Variants in KCNMA1 observed in about 807,000 individuals in gnomAD.
KCNMA1 encodes the protein Calcium-activated potassium channel subunit alpha-1.
A neutral mutation model predicts 140.0 loss-of-function variants in KCNMA1; 29 were observed. The observed-to-expected ratio is 0.21, with a 90% confidence interval of 0.15 to 0.28. KCNMA1 has a LOEUF of 0.28. KCNMA1 is among the 10% of genes least tolerant of loss of function. The pLI is 1.00. For synonymous variants in KCNMA1, 612 were observed against 611.9 expected, an observed-to-expected ratio of 1.00 and a Z score of 0.00; for missense variants, 880 against 1,602.2, an observed-to-expected ratio of 0.55 and a Z score of 7.70.
intron 23 of KCNMA1, among the ~76,000 whole-genome samples, chr10:76,931,828 G>T (rs1459559494): frequency 1.3e-5 from 2 of 152,050 alleles, no homozygotes; most frequent in African/African-American, 4.8e-5. Flanking sequence ...ACCTTACCTG[G>T]TCTGCTCACC....
downstream of KCNMA1, chr10:76,884,120 C>T (rs913183551): frequency 2.3e-5 from 7 of 306,740 alleles, no homozygotes; most frequent in Admixed American, 6.5e-5. Flanking sequence ...GTATATAAAA[C>T]GCACTTCGGA....
chr10:77,069,704 A>G (rs530429342), intron 14 of KCNMA1, among the ~76,000 whole-genome samples: 3 of 152,334 alleles, frequency 2.0e-5, no homozygotes, highest in African/African-American at 7.2e-5. Flanking sequence ...TAAGGTTGGT[A>G]TCTTTGAGAG....
At chr10:77,454,555 T>C (rs2097724009) in intron 1 of KCNMA1, among the ~76,000 whole-genome samples, 1 of 152,214 alleles carries the variant, frequency 6.6e-6, no homozygotes, top group Non-Finnish European at 1.5e-5. Context: ...TTTAGCCACC[T>C]GACCCCCTTT....
chr10:77,012,301 G>T, intron 17 of KCNMA1: 1 of 1,462,750 alleles, frequency 6.8e-7, no homozygotes. Context: ...AAAAGTTGCT[G>T]ATGTGACACA....
intron 18 of KCNMA1, among the ~76,000 whole-genome samples, chr10:77,003,293 A>C (rs1251997255): frequency 6.9e-6 from 1 of 144,004 alleles, no homozygotes; most frequent in Non-Finnish European, 1.5e-5. Context: ...CATTCCTTTG[A>C]GCTTTAGCTT....
chr10:77,276,215 A>G (rs1159627099), intron 2 of KCNMA1, among the ~76,000 whole-genome samples: 1 of 152,168 alleles, frequency 6.6e-6, no homozygotes, highest in Non-Finnish European at 1.5e-5. Flanking sequence ...ACTCCTCAGG[A>G]GCTGAGACCA....
intron 19 of KCNMA1, among the ~76,000 whole-genome samples, chr10:76,990,523 A>G (rs2082432342): frequency 6.6e-6 from 1 of 152,198 alleles, no homozygotes; most frequent in African/African-American, 2.4e-5. Flanking sequence ...TGTTTCCAGC[A>G]ACCAGCCCCT....
At position 76,892,151 on chromosome 10, in the gene KCNMA1, G is replaced by A. The variant is rs78529741; in HGVS notation, c.3148-432C>T. Among the ~76,000 whole-genome samples the A allele has an allele frequency of 8.3e-3, 1,266 of 152,256 alleles. 27 individuals are homozygous for A. The highest frequency in any genetic ancestry group is 0.026 in the Admixed American group (402 of 15,284). Reference sequence around the variant, plus strand: ...GGCCCTGTCATCCATGTGCCAGGAAGCTTCCTCCCCACGACAACGGCAAAA... The same window carrying A: ...GGCCCTGTCATCCATGTGCCAGGAAACTTCCTCCCCACGACAACGGCAAAA... On this transcript the variant is annotated intron_variant, in intron 25 of 27. Coordinates refer to ENST00000286628, the MANE Select transcript of KCNMA1 (RefSeq NM_001161352.2).
intron 1 of KCNMA1, among the ~76,000 whole-genome samples, chr10:77,409,390 C>T (rs2096569026): frequency 6.6e-6 from 1 of 152,174 alleles, no homozygotes; most frequent in South Asian, 2.1e-4. Context: ...CTCAGGGCCA[C>T]CCAGCCCAGC....
chr10:77,631,001 G>A (rs1603639095), intron 1 of KCNMA1, among the ~76,000 whole-genome samples: 1 of 151,338 alleles, frequency 6.6e-6, no homozygotes, highest in African/African-American at 2.4e-5. Flanking sequence ...TGGCTACTTG[G>A]GGAGCTGAGG....
intron 25 of KCNMA1, chr10:76,901,275 T>C (rs1022438890): frequency 1.3e-5 from 2 of 152,166 alleles, no homozygotes; most frequent in Non-Finnish European, 2.9e-5. Flanking sequence ...GCCATTTATA[T>C]TTTCTTCTTT....
intron 2 of KCNMA1, among the ~76,000 whole-genome samples, chr10:77,308,203 T>C (rs1159503499): frequency 6.6e-6 from 1 of 152,092 alleles, no homozygotes; most frequent in Non-Finnish European, 1.5e-5. Context: ...CACTGAACTA[T>C]CTAGAGTTGC....
At chr10:76,871,586 G>A (rs1233494465) in exon 28 of KCNMA1, 2 of 152,254 alleles carry the variant, frequency 1.3e-5, no homozygotes, top group African/African-American at 4.8e-5. Flanking sequence ...CAGTTAGGCA[G>A]GTGGGCTGTC....
At chr10:76,957,475 C>T (rs2068857621) in intron 20 of KCNMA1, among the ~76,000 whole-genome samples, 1 of 152,034 alleles carries the variant, frequency 6.6e-6, no homozygotes, top group Non-Finnish European at 1.5e-5. Flanking sequence ...ATCATGGTTC[C>T]AAAACAGGAA....
intron 14 of KCNMA1, among the ~76,000 whole-genome samples, chr10:77,047,726 G>C (rs2095152882): frequency 6.6e-6 from 1 of 151,776 alleles, no homozygotes; most frequent in Non-Finnish European, 1.5e-5. Flanking sequence ...GAGGAATTTG[G>C]TTTTGCAACC....
intron 19 of KCNMA1, among the ~76,000 whole-genome samples, chr10:76,997,683 T>C (rs1406150314): frequency 6.6e-6 from 1 of 152,262 alleles, no homozygotes; most frequent in Non-Finnish European, 1.5e-5. Context: ...GAAATCGTAC[T>C]GATTGGAATC....
intron 12 of KCNMA1, among the ~76,000 whole-genome samples, chr10:77,082,263 G>A (rs963912472): frequency 2.0e-5 from 3 of 151,752 alleles, no homozygotes; most frequent in African/African-American, 7.3e-5. Flanking sequence ...TCCTGACCTC[G>A]TGATCTGCCC....
intron 1 of KCNMA1, among the ~76,000 whole-genome samples, chr10:77,558,354 G>T (rs911692378): frequency 2.0e-5 from 3 of 152,178 alleles, no homozygotes; most frequent in Non-Finnish European, 2.9e-5. Flanking sequence ...GCCAAGCTGG[G>T]TGTAGCAACT....
intron 2 of KCNMA1, among the ~76,000 whole-genome samples, chr10:77,265,062 T>C (rs547806251): frequency 6.6e-6 from 1 of 152,262 alleles, no homozygotes; most frequent in Admixed American, 6.5e-5. Context: ...CTCTTTTTTT[T>C]TTTTCCTGAG....
Sources: gnomAD v4.1 joint callset for allele counts (sites outside exome capture counted in the v4.1 genomes callset) on GRCh38, gnomAD v4.1.1 for gene constraint, MANE v1.5 for transcripts, NCBI Gene and HGNC (gene_info 2026-07-23, HGNC 2026-07-21) for gene names.